NSD2: variants seen among roughly 807,000 people sequenced by gnomAD.
NSD2 encodes histone-lysine N-methyltransferase NSD2.
Under a neutral mutation model 139.0 loss-of-function variants are expected in NSD2, and 12 were observed. The ratio of observed to expected loss-of-function variants is 0.09; its 90% confidence interval spans 0.06 to 0.14. NSD2 has a LOEUF of 0.14. NSD2 is among the 10% of genes least tolerant of loss of function. The pLI is 1.00. For missense variants in NSD2, 1,155 were observed against 1,745.0 expected, an observed-to-expected ratio of 0.66 and a Z score of 6.02; for synonymous variants, 669 against 648.7, an observed-to-expected ratio of 1.03 and a Z score of -0.48.
rs184676394 is a variant in NSD2 at position 1,888,845 on chromosome 4, C to T, written c.-29-11781C>T. Among the ~76,000 whole-genome samples the T allele has an allele frequency of 5.9e-3, 898 of 151,808 alleles. 9 individuals carry two copies. Among genetic ancestry groups the T allele is most frequent in the African/African-American group, 0.021 (859 of 41,378 alleles). The stretch of plus-strand genomic sequence containing the variant: ...CCTCCCAAAGTACTGGGATTACAGG[C>T]GTGAGCCACCACGCCTGGCTGCTTT... On this transcript the variant is annotated intron_variant, in intron 1 of 21. Coordinates refer to ENST00000508803, the MANE Select transcript of NSD2 (RefSeq NM_001042424.3).
chr4:1,979,808 AGT>A lies in NSD2; in HGVS notation c.*906_*907del, dbSNP rs745794953. The A allele has an allele frequency of 3.0e-5, 7 of 232,372 alleles. No individual in the cohort carries two copies. Among genetic ancestry groups the A allele is most frequent in the Non-Finnish European group, 5.1e-5 (6 of 117,596 alleles). 14.4% of individuals were successfully genotyped at this position (232,372 alleles called of 1,614,324 possible). On this transcript the variant is annotated 3_prime_UTR_variant, in exon 22 of 22. Transcript: ENST00000508803. The stretch of plus-strand genomic sequence containing the variant: ...TATTTCACAAATCACCACCGACTGA[AGT>A]GTGTGTTTACTGATGCGGCCCTGAG...
chr4:1,950,937 T>C lies in NSD2; in HGVS notation c.1882-135T>C, dbSNP rs1315069411. On this transcript the variant is annotated intron_variant, in intron 9 of 21. Coordinates refer to ENST00000508803, the MANE Select transcript of NSD2 (RefSeq NM_001042424.3). ...AGTTGATGATGGTTCCACTGTGAAA[T>C]CACTGGCGGTACAGGACCAGTGCTG... The C allele has an allele frequency of 2.6e-6, 3 of 1,167,736 alleles. No homozygotes were observed. In the African/African-American group the frequency reaches 4.6e-5, roughly 18 times the overall value. 72.3% of individuals were successfully genotyped at this position (1,167,736 alleles called of 1,614,324 possible). A position where few individuals can be genotyped will look rare whatever the true frequency, so the allele number is the denominator to read the frequency against.
At chr4:1,947,447 T>G in intron 9 of NSD2, 1 of 1,059,274 alleles carries the variant, frequency 9.4e-7, no homozygotes, top group Non-Finnish European at 1.1e-6. Flanking sequence ...TCTCAGAGAC[T>G]CACCCCCAGC....
intron 9 of NSD2, chr4:1,940,134 A>G: frequency 8.7e-7 from 1 of 1,144,786 alleles, no homozygotes. Flanking sequence ...TTGGTTCTGA[A>G]AGGGCACAGT....
intron 5 of NSD2, among the ~76,000 whole-genome samples, chr4:1,925,333 T>C (rs1577455627): frequency 6.6e-6 from 1 of 151,866 alleles, no homozygotes; most frequent in East Asian, 1.9e-4. Flanking sequence ...TAAGGCTGAC[T>C]TCAGGACTTT....
rs1258899352 is a variant in NSD2 at position 1,951,473 on chromosome 4, C to G, written c.2013+270C>G. 3.5e-5 allele frequency among the ~76,000 whole-genome samples: 4 copies of G among 115,568 alleles called. 1 individual carries two copies. Among genetic ancestry groups the G allele is most frequent in the African/African-American group, 1.6e-4 (4 of 24,748 alleles). 75.8% of individuals were successfully genotyped at this position (115,568 alleles called of 152,430 possible). The stretch of plus-strand genomic sequence containing the variant: ...ACACACACACACACACACACACACA[C>G]ACACACACACACACACACACACACA... On this transcript the variant is annotated intron_variant, in intron 10 of 21. Coordinates refer to ENST00000508803, the MANE Select transcript of NSD2 (RefSeq NM_001042424.3).
intron 1 of NSD2, chr4:1,893,898 T>G (rs1715882607): frequency 6.6e-6 from 1 of 152,234 alleles, no homozygotes; most frequent in African/African-American, 2.4e-5. Flanking sequence ...TGGACACTTG[T>G]GGTGGCACGA....
intron 18 of NSD2, 49 bp downstream of exon 18, chr4:1,961,200 C>A: frequency 6.8e-7 from 1 of 1,462,360 alleles, no homozygotes; most frequent in Non-Finnish European, 9.5e-7. Flanking sequence ...GGACCTGGAG[C>A]CCTGATGGTC....
At chr4:1,978,319 A>G (rs1308524735) in intron 21 of NSD2, among the ~76,000 whole-genome samples, 1 of 152,144 alleles carries the variant, frequency 6.6e-6, no homozygotes, top group Non-Finnish European at 1.5e-5. Context: ...TCACATGGAA[A>G]TCAGCACAGC....
At chr4:1,977,960 C>G (rs1440582732) in intron 21 of NSD2, among the ~76,000 whole-genome samples, 1 of 152,026 alleles carries the variant, frequency 6.6e-6, no homozygotes, top group Non-Finnish European at 1.5e-5. Context: ...AACCTCATCT[C>G]TACTGAACAT....
intron 18 of NSD2, among the ~76,000 whole-genome samples, chr4:1,963,896 G>C (rs1186375242): frequency 6.6e-6 from 1 of 152,178 alleles, no homozygotes; most frequent in African/African-American, 2.4e-5. Flanking sequence ...TACTCAGGAG[G>C]CTGAGGCAGG....
rs1283367151 is a variant in NSD2 at position 1,979,164 on chromosome 4, A to C, written c.*255A>C. On this transcript the variant is annotated 3_prime_UTR_variant, in exon 22 of 22. Transcript: ENST00000508803. ...AGCCTCACTCCTCAGCGTTACCGCCACACTTGAATTTCTCCGAATGTCAAG... is the reference window on the plus strand; with the variant it reads ...AGCCTCACTCCTCAGCGTTACCGCCCCACTTGAATTTCTCCGAATGTCAAG... 1 of 402,136 alleles carries C rather than the reference A, an allele frequency of 2.5e-6. No homozygotes were observed. Among genetic ancestry groups the C allele is most frequent in the Admixed American group, 4.4e-5 (1 of 22,678 alleles). The allele number at this position is 402,136 out of a possible 1,614,324, so 24.9% of individuals were successfully genotyped here. A position where few individuals can be genotyped will look rare whatever the true frequency, so the allele number is the denominator to read the frequency against.
rs1166344211 is a variant in NSD2 at position 1,979,188 on chromosome 4, A to G, written c.*279A>G. Reference sequence around the variant, plus strand: ...CACACTTGAATTTCTCCGAATGTCAAGGTTCCCTCCCACTCTATTTTTTTA... The same window carrying G: ...CACACTTGAATTTCTCCGAATGTCAGGGTTCCCTCCCACTCTATTTTTTTA... On this transcript the variant is annotated 3_prime_UTR_variant, in exon 22 of 22. Transcript: ENST00000508803. 5.3e-6 allele frequency: 2 copies of G among 378,876 alleles called. No homozygotes were observed. The highest frequency in any genetic ancestry group is 9.3e-6 in the Non-Finnish European group (2 of 214,088). The allele number at this position is 378,876 out of a possible 1,614,324, so 23.5% of individuals were successfully genotyped here. A position where few individuals can be genotyped will look rare whatever the true frequency, so the allele number is the denominator to read the frequency against.
In NSD2 at chr4:1,974,840, G is replaced by T. The variant is rs542344308; in HGVS notation, c.3373-23G>T. On this transcript the variant is annotated intron_variant, in intron 18 of 21. Coordinates refer to ENST00000508803, the MANE Select transcript of NSD2 (RefSeq NM_001042424.3). This position sits in a 1 kb window ranked among gnomAD's most constrained non-coding sequence, Gnocchi z 4.0. ...AACATGCGATTGCTAACACTTGACCGAATATATCACTTGACCTTACAGGAC... is the reference window on the plus strand; with the variant it reads ...AACATGCGATTGCTAACACTTGACCTAATATATCACTTGACCTTACAGGAC... 2.5e-6 allele frequency: 4 copies of T among 1,613,586 alleles called. No individual in the cohort carries two copies. Among genetic ancestry groups the T allele is most frequent in the Non-Finnish European group, 3.4e-6 (4 of 1,179,560 alleles).
chr4:1,900,682 C>G lies in NSD2; in HGVS notation c.28C>G (p.Leu10Val), dbSNP rs1328532362. 1.2e-6 allele frequency: 2 copies of G among 1,601,574 alleles called. No individual in the cohort carries two copies. The highest frequency in any genetic ancestry group is 2.2e-5 in the East Asian group (1 of 44,660). The change falls in exon 2 of 22, where the codon CTT (leucine) becomes GTT (valine). Residue 10 changes from leucine to valine, a missense_variant. Leu to Val is a conservative substitution (Grantham distance 32, BLOSUM62 1). This residue lies in a region of NSD2 where 246 missense variants were observed against 262.8 expected (regional missense o/e 0.94). Transcript: ENST00000508803. ...GGAATTTAGCATCAAGCAGAGTCCC[C>G]TTTCTGTTCAGAGTGTTGTAAAGTG... is the stretch of plus-strand genomic sequence containing the variant. MEFSIKQSP[L>V]SVQSVVKCIK...
rs1726600424 is a variant in NSD2 at position 1,972,493 on chromosome 4, C to G, written c.3373-2370C>G. ...TTACTGTGGGAAGGGTGGGCGTGTCCTGGGGGTGACAGTGTTCCCCATGGC... is the reference window on the plus strand; with the variant it reads ...TTACTGTGGGAAGGGTGGGCGTGTCGTGGGGGTGACAGTGTTCCCCATGGC... On this transcript the variant is annotated intron_variant, in intron 18 of 21. Coordinates refer to ENST00000508803, the MANE Select transcript of NSD2 (RefSeq NM_001042424.3). This position sits in a 1 kb window ranked among gnomAD's most constrained non-coding sequence, Gnocchi z 4.0. Among the ~76,000 whole-genome samples, 2 of 152,210 alleles carry G rather than the reference C, an allele frequency of 1.3e-5. No homozygotes were observed. Among genetic ancestry groups the G allele is most frequent in the African/African-American group, 4.8e-5 (2 of 41,436 alleles).
In NSD2 at chr4:1,942,249, G is replaced by A; in HGVS notation, c.1881+2471G>A. On this transcript the variant is annotated intron_variant, in intron 9 of 21. Transcript: ENST00000508803. This position sits in a 1 kb window ranked among gnomAD's most constrained non-coding sequence, Gnocchi z 4.0. ...CACTTGCATGACAAAGGCCTGTGAA[G>A]GAATTAATGTGATTTAAGTGTTTTG... 1.9e-6 allele frequency: 3 copies of A among 1,566,488 alleles called. No homozygotes were observed. Among genetic ancestry groups the A allele is most frequent in the Non-Finnish European group, 2.6e-6 (3 of 1,158,592 alleles).
rs111668967 is a variant in NSD2, at chr4:1,979,994, A to C, written c.*1085A>C. On this transcript the variant is annotated 3_prime_UTR_variant, in exon 22 of 22. Transcript: ENST00000508803. Reference sequence around the variant, plus strand: ...GGAGTCTAGCTCTCCTGCCACCCAGAGTGGCTTCCATCTCAGCACTCTGTG... The same window carrying C: ...GGAGTCTAGCTCTCCTGCCACCCAGCGTGGCTTCCATCTCAGCACTCTGTG... 1 of 232,896 alleles carries C rather than the reference A, an allele frequency of 4.3e-6. No individual in the cohort carries two copies. Among genetic ancestry groups the C allele is most frequent in the Admixed American group, 5.6e-5 (1 of 17,784 alleles). 14.4% of individuals were successfully genotyped at this position (232,896 alleles called of 1,614,324 possible).
chr4:1,900,692 A>G lies in NSD2; in HGVS notation c.38A>G (p.Gln13Arg). The G allele has an allele frequency of 1.9e-6, 3 of 1,609,094 alleles. No individual in the cohort carries two copies. The highest frequency in any genetic ancestry group is 2.5e-6 in the Non-Finnish European group (3 of 1,177,216). Residue 13 changes from glutamine (Q) to arginine (R), a missense_variant, in exon 2 of 22, where the codon CAG (glutamine) becomes CGG (arginine). Around this residue, in one of 8 missense-constraint regions of NSD2, gnomAD observed 246 missense variants for 262.8 expected, o/e 0.94. Transcript: ENST00000508803. ...ATCAAGCAGAGTCCCCTTTCTGTTC[A>G]GAGTGTTGTAAAGTGCATAAAGATG... The part of the protein sequence containing the change: ...FSIKQSPLSV[Q>R]SVVKCIKMKQ...
Sources: allele counts gnomAD v4.1 joint callset (sites outside exome capture counted in the v4.1 genomes callset), GRCh38; gene constraint gnomAD v4.1.1; regional missense constraint gnomAD v4.1.1; non-coding constraint Gnocchi (gnomAD v3.1); transcripts MANE v1.5; gene names NCBI Gene and HGNC (gene_info 2026-07-23, HGNC 2026-07-21).